NPSR1: variants seen among roughly 807,000 people sequenced by gnomAD.
NPSR1 encodes the protein neuropeptide S receptor 1, also known as neuropeptide S receptor.
Under a neutral mutation model 46.9 loss-of-function variants are expected in NPSR1, and 48 were observed. The ratio of observed to expected loss-of-function variants is 1.02; its 90% confidence interval spans 0.81 to 1.30. The LOEUF (loss-of-function observed/expected upper bound fraction) is 1.30, where lower values mean the gene tolerates loss of function less well. NPSR1 is among the 50% of genes most tolerant of loss of function. The probability of loss-of-function intolerance (pLI) is 0.00; values close to 1 mark genes in which losing one functional copy is unlikely to be tolerated. For synonymous variants in NPSR1, 176 were observed against 168.1 expected (o/e 1.05, Z -0.36); for missense variants, 450 against 449.5 (o/e 1.00, Z -0.01).
intron 1 of NPSR1, among the ~76,000 whole-genome samples, chr7:34,678,558 G>A (rs1168384011): frequency 2.0e-5 from 3 of 152,172 alleles, no homozygotes; most frequent in Non-Finnish European, 2.9e-5. Flanking sequence ...CGGGCGCGGT[G>A]GCTCACATCT....
intron 2 of NPSR1, among the ~76,000 whole-genome samples, chr7:34,777,758 A>G (rs1268814777): frequency 2.0e-5 from 3 of 152,174 alleles, no homozygotes; most frequent in Admixed American, 6.6e-5. Flanking sequence ...GGCAGTTTTT[A>G]GACATATAGC....
intron 8 of NPSR1, among the ~76,000 whole-genome samples, chr7:34,876,843 GAA>G (rs1168777690): frequency 6.6e-6 from 1 of 152,192 alleles, no homozygotes; most frequent in African/African-American, 2.4e-5. Context: ...AGGTTAGAGA[GAA>G]ATGCTCTGAC....
At chr7:34,788,697 A>G (rs574293564) in intron 3 of NPSR1, among the ~76,000 whole-genome samples, 1 of 152,222 alleles carries the variant, frequency 6.6e-6, no homozygotes, top group African/African-American at 2.4e-5. Context: ...AGAGAAATAG[A>G]CTGCAATAAA....
intron 2 of NPSR1, among the ~76,000 whole-genome samples, chr7:34,757,333 A>G (rs1785916569): frequency 6.6e-6 from 1 of 151,886 alleles, no homozygotes; most frequent in Non-Finnish European, 1.5e-5. Context: ...TTTCGCACCA[A>G]CCTAATATAT....
intron 2 of NPSR1, among the ~76,000 whole-genome samples, chr7:34,723,974 A>G (rs2128709440): frequency 6.6e-6 from 1 of 152,340 alleles, no homozygotes. Flanking sequence ...AGAGAGAAAA[A>G]TTATCCATTT....
chr7:34,870,858 A>G (rs934967535), intron 8 of NPSR1, among the ~76,000 whole-genome samples: 4 of 149,400 alleles, frequency 2.7e-5, no homozygotes, highest in African/African-American at 1.0e-4. Flanking sequence ...ATCAGGAAGA[A>G]GTGGGTAACA....
chr7:34,777,220 G>A (rs1787003849), intron 2 of NPSR1, among the ~76,000 whole-genome samples: 1 of 152,128 alleles, frequency 6.6e-6, no homozygotes, highest in African/African-American at 2.4e-5. Flanking sequence ...ACTTTAGCTT[G>A]CAGTGGTAAG....
At chr7:34,782,453 C>A (rs145906904) in intron 3 of NPSR1, among the ~76,000 whole-genome samples, 2 of 152,106 alleles carry the variant, frequency 1.3e-5, no homozygotes, top group African/African-American at 4.8e-5. Context: ...TGCCAATATC[C>A]ACTGCTTTGG....
intron 2 of NPSR1, among the ~76,000 whole-genome samples, chr7:34,727,786 T>C (rs1784232356): frequency 6.6e-6 from 1 of 152,176 alleles, no homozygotes; most frequent in South Asian, 2.1e-4. Context: ...ATACAAGGAT[T>C]GGGAGCACCT....
chr7:34,804,798 AAAC>A (rs1392028093), intron 3 of NPSR1, among the ~76,000 whole-genome samples: 1 of 152,046 alleles, frequency 6.6e-6, no homozygotes, highest in African/African-American at 2.4e-5. Context: ...AGAAAAATAA[AAAC>A]AAACAAAAAA....
At chr7:34,682,235 C>T (rs552057530) in intron 1 of NPSR1, among the ~76,000 whole-genome samples, 1 of 152,298 alleles carries the variant, frequency 6.6e-6, no homozygotes, top group South Asian at 2.1e-4. Flanking sequence ...TGGCCCAGAA[C>T]CTGTGTCACA....
At chr7:34,790,749 ATATGT>A (rs1364585868) in intron 3 of NPSR1, among the ~76,000 whole-genome samples, 33 of 124,194 alleles carry the variant, frequency 2.7e-4, no homozygotes, top group African/African-American at 4.5e-4. Flanking sequence ...TATATATAAT[ATATGT>A]TATATGTTAT....
At chr7:34,739,111 C>T (rs551572175) in intron 2 of NPSR1, among the ~76,000 whole-genome samples, 5 of 152,196 alleles carry the variant, frequency 3.3e-5, no homozygotes, top group African/African-American at 9.6e-5. Context: ...TCCATTATTA[C>T]ATATTATGTT....
chr7:34,808,850 A>AT (rs1788836707), intron 3 of NPSR1, among the ~76,000 whole-genome samples: 1 of 152,112 alleles, frequency 6.6e-6, no homozygotes, highest in Non-Finnish European at 1.5e-5. Context: ...TTTAAGATGC[A>AT]TTTCTTTTAG....
chr7:34,688,234 T>C (rs749067302), intron 2 of NPSR1, among the ~76,000 whole-genome samples: 2 of 152,160 alleles, frequency 1.3e-5, no homozygotes, highest in Non-Finnish European at 1.5e-5. Flanking sequence ...GAAGGCATTA[T>C]CCCATCATCA....
At chr7:34,747,972 T>C (rs890392134) in intron 2 of NPSR1, among the ~76,000 whole-genome samples, 1 of 152,320 alleles carries the variant, frequency 6.6e-6, no homozygotes, top group African/African-American at 2.4e-5. Flanking sequence ...TGAGGCTCAC[T>C]GTGCCTCCAG....
At chr7:34,867,051 A>C (rs953885025) in intron 8 of NPSR1, among the ~76,000 whole-genome samples, 3 of 151,696 alleles carry the variant, frequency 2.0e-5, no homozygotes, top group Non-Finnish European at 4.4e-5. Context: ...GGCCTGAATA[A>C]GACCCTTCCA....
At chr7:34,810,053 C>T (rs1017007698) in intron 3 of NPSR1, among the ~76,000 whole-genome samples, 14 of 152,152 alleles carry the variant, frequency 9.2e-5, no homozygotes, top group African/African-American at 2.9e-4. Flanking sequence ...TGCTGAGATG[C>T]ATTTGTAGAA....
At chr7:34,755,051 T>C (rs1416297771) in intron 2 of NPSR1, among the ~76,000 whole-genome samples, 1 of 152,248 alleles carries the variant, frequency 6.6e-6, no homozygotes, top group African/African-American at 2.4e-5. Context: ...TCAGTGGTTT[T>C]TACCTTTTGG....
Sources: gnomAD v4.1 joint callset for allele counts (sites outside exome capture counted in the v4.1 genomes callset) on GRCh38, gnomAD v4.1.1 for gene constraint, MANE v1.5 for transcripts, NCBI Gene and HGNC (gene_info 2026-07-23, HGNC 2026-07-21) for gene names.